Variants in DCAF1 observed in about 807,000 individuals in gnomAD.
DCAF1 encodes DDB1- and CUL4-associated factor 1.
A neutral mutation model predicts 128.0 loss-of-function variants in DCAF1; 15 were observed. The ratio of observed to expected loss-of-function variants is 0.12; its 90% CI spans 0.08 to 0.18. The LOEUF (loss-of-function observed/expected upper bound fraction) is 0.18. Ranked by LOEUF, DCAF1 falls within the 10% of genes least tolerant of loss-of-function variation. The pLI is 1.00. For synonymous variants in DCAF1, 610 were observed against 603.0 expected (o/e 1.01, Z -0.17); for missense variants, 988 against 1,649.5 (o/e 0.60, Z 6.95).
chr3:51,495,864 C>T (rs985771844), intron 2 of DCAF1, among the ~76,000 whole-genome samples: 1 of 152,114 alleles, frequency 6.6e-6, no homozygotes, highest in African/African-American at 2.4e-5. Context: ...TGGCTCACTG[C>T]AACCTGTAGT....
intron 7 of DCAF1, among the ~76,000 whole-genome samples, chr3:51,443,264 C>T (rs1459119020): frequency 6.6e-6 from 1 of 152,058 alleles, no homozygotes; most frequent in African/African-American, 2.4e-5. Context: ...TCTTTATTGG[C>T]ATACAATGTC....
intron 3 of DCAF1, among the ~76,000 whole-genome samples, chr3:51,474,784 CTTT>C (rs782363207): frequency 2.5e-5 from 3 of 121,792 alleles, no homozygotes; most frequent in East Asian, 2.5e-4. Context: ...GCATGCCTGG[CTTT>C]TTTTTTTTTT....
At chr3:51,474,482 TAATC>T (rs1705187705) in intron 3 of DCAF1, among the ~76,000 whole-genome samples, 1 of 152,182 alleles carries the variant, frequency 6.6e-6, no homozygotes, top group South Asian at 2.1e-4. Context: ...TGGTCCACTC[TAATC>T]AAGCTTCATA....
chr3:51,452,884 G>A (rs530273768), intron 6 of DCAF1, among the ~76,000 whole-genome samples: 9 of 151,776 alleles, frequency 5.9e-5, no homozygotes, highest in East Asian at 1.9e-4. Context: ...GCGTGGTGGC[G>A]GGCACCTGTA....
At chr3:51,473,833 T>C (rs1705088901) in intron 3 of DCAF1, among the ~76,000 whole-genome samples, 1 of 151,322 alleles carries the variant, frequency 6.6e-6, no homozygotes, top group Non-Finnish European at 1.5e-5. Flanking sequence ...AGATGGAGTC[T>C]CGCTCTGTCA....
In DCAF1 at chr3:51,481,139, T is replaced by C. The variant is rs1577291944; in HGVS notation, c.110+2580A>G. ...TTTTTATGCATTGATTTCTTACTTT[T>C]TACAGCGAAAGAACTACAATATTAT... On this transcript the variant is annotated intron_variant, in intron 3 of 24. Transcript: ENST00000684031. 2.0e-5 allele frequency among the ~76,000 whole-genome samples: 3 copies of C among 152,110 alleles called. No homozygotes were observed. In the East Asian group the frequency reaches 5.8e-4, roughly 29 times the overall value.
intron 4 of DCAF1, among the ~76,000 whole-genome samples, chr3:51,469,317 G>A (rs1382043574): frequency 5.0e-5 from 7 of 140,946 alleles, no homozygotes; most frequent in African/African-American, 1.6e-4. Context: ...CGCAACCTCT[G>A]CCTCCTGGGT....
At chr3:51,435,917 C>T (rs1456875170) in intron 9 of DCAF1, among the ~76,000 whole-genome samples, 3 of 152,030 alleles carry the variant, frequency 2.0e-5, no homozygotes, top group East Asian at 1.9e-4. Flanking sequence ...ATAAGCAGTT[C>T]GGCAAAGGGA....
intron 3 of DCAF1, among the ~76,000 whole-genome samples, chr3:51,473,071 G>A (rs1330179225): frequency 2.7e-5 from 4 of 148,012 alleles, no homozygotes; most frequent in Admixed American, 6.8e-5. Context: ...GAGGTCAGGA[G>A]TTCGAGACCA....
At chr3:51,411,717 C>A (rs945486522) in intron 23 of DCAF1, among the ~76,000 whole-genome samples, 2 of 152,148 alleles carry the variant, frequency 1.3e-5, no homozygotes, top group Non-Finnish European at 2.9e-5. Flanking sequence ...GCCATTTCTA[C>A]AGTCCATCTC....
intron 2 of DCAF1, among the ~76,000 whole-genome samples, chr3:51,487,888 G>A (rs146443913): frequency 0.019 from 2,870 of 151,372 alleles, 100 homozygotes; most frequent in African/African-American, 0.066. Flanking sequence ...ATTTGGAGAC[G>A]GAGTCTTGCT....
chr3:51,483,636 TG>T, intron 3 of DCAF1, 82 bp downstream of exon 3: 1 of 871,190 alleles, frequency 1.1e-6, no homozygotes, highest in Non-Finnish European at 1.9e-6. Context: ...TGTGTGTGTG[TG>T]TGTGTGTGTA....
chr3:51,483,819 C>T lies in DCAF1; in HGVS notation c.10G>A (p.Val4Ile), dbSNP rs1706574575. Residue 4 changes from valine (V) to isoleucine (I), a missense_variant, in exon 3 of 25, where the codon GTA becomes ATA. Physicochemically the swap from Val to Ile is conservative, Grantham distance 29. Around this residue, in one of 11 missense-constraint regions of DCAF1, gnomAD observed 48 missense variants for 52.6 expected, o/e 0.91. Transcript: ENST00000684031. ...GCTTTGGAGTCCACATGTACCACTA[C>T]TGTAGTCATGGCTTTGCCTAAGGAA... MTT[V>I]VVHVDSKAEL... The T allele has an allele frequency of 6.2e-7, 1 of 1,613,054 alleles. No homozygotes were observed. Among genetic ancestry groups the T allele is most frequent in the African/African-American group, 1.3e-5 (1 of 74,852 alleles).
chr3:51,475,639 A>G (rs1270181479), intron 3 of DCAF1, among the ~76,000 whole-genome samples: 1 of 152,166 alleles, frequency 6.6e-6, no homozygotes. Flanking sequence ...AGGTGGGCAG[A>G]TCATGAGGTC....
At chr3:51,401,205 A>T (rs1553624822) in intron 24 of DCAF1, among the ~76,000 whole-genome samples, 1 of 151,688 alleles carries the variant, frequency 6.6e-6, no homozygotes, top group Non-Finnish European at 1.5e-5. Context: ...CTGCATCTGC[A>T]ATCAGGGAGT....
intron 13 of DCAF1, 78 bp downstream of exon 13, chr3:51,427,294 A>G (rs2107502509): frequency 1.6e-6 from 1 of 611,612 alleles, no homozygotes; most frequent in Middle Eastern, 2.7e-4. Context: ...TTTGTTAAGC[A>G]TATACAATGT....
At chr3:51,501,503 A>G (rs2108653108), upstream of DCAF1, among the ~76,000 whole-genome samples, 1 of 152,268 alleles carries the variant, frequency 6.6e-6, no homozygotes, top group South Asian at 2.1e-4. Context: ...GTGCATCTCC[A>G]TGAGTCTTCA....
At chr3:51,423,068 G>A (rs1419399524) in intron 13 of DCAF1, among the ~76,000 whole-genome samples, 4 of 145,800 alleles carry the variant, frequency 2.7e-5, no homozygotes, top group South Asian at 2.2e-4. Flanking sequence ...AGCCTGTCTC[G>A]AAAAACAAAA....
chr3:51,488,359 C>T (rs1707215866), intron 2 of DCAF1, among the ~76,000 whole-genome samples: 2 of 152,108 alleles, frequency 1.3e-5, no homozygotes, highest in African/African-American at 4.8e-5. Context: ...CAACAAAATA[C>T]TAGCAAACAG....
Sources: gnomAD v4.1 joint callset for allele counts (sites outside exome capture counted in the v4.1 genomes callset) on GRCh38, gnomAD v4.1.1 for gene constraint, gnomAD v4.1.1 regional missense constraint, MANE v1.5 for transcripts, NCBI Gene and HGNC (gene_info 2026-07-23, HGNC 2026-07-21) for gene names.